PLSCR2: variants seen among roughly 807,000 people sequenced by gnomAD.
PLSCR2 encodes phospholipid scramblase 2.
A neutral mutation model predicts 25.3 loss-of-function variants in PLSCR2; 18 were observed. The observed-to-expected ratio is 0.71, with a 90% confidence interval of 0.49 to 1.06. PLSCR2 has a LOEUF of 1.06. Among genes scored for constraint, PLSCR2 ranks in the 50% least tolerant of loss-of-function variants. PLSCR2 has a pLI of 0.00. For missense variants in PLSCR2, 243 were observed against 269.5 expected, an observed-to-expected ratio of 0.90 and a Z score of 0.69; for synonymous variants, 88 against 87.3, an observed-to-expected ratio of 1.01 and a Z score of -0.04.
chr3:146,459,026 G>A (rs1257496295), intron 2 of PLSCR2, among the ~76,000 whole-genome samples: 3 of 152,084 alleles, frequency 2.0e-5, no homozygotes, highest in Non-Finnish European at 4.4e-5. Flanking sequence ...GACTATCATA[G>A]AAATATTTGT....
chr3:146,464,038 C>T (rs1364331284), upstream of PLSCR2: 4 of 907,422 alleles, frequency 4.4e-6, no homozygotes, highest in African/African-American at 1.8e-5. Flanking sequence ...GATTTAACTT[C>T]CCGGATTTTC....
chr3:146,408,177 G>A (rs1043922530), intron 2 of PLSCR2, among the ~76,000 whole-genome samples: 2 of 152,086 alleles, frequency 1.3e-5, no homozygotes, highest in South Asian at 2.1e-4. Flanking sequence ...GCTACAGCTC[G>A]CAGACAACTT....
intron 2 of PLSCR2, among the ~76,000 whole-genome samples, chr3:146,420,390 A>G (rs1458341247): frequency 6.6e-6 from 1 of 152,062 alleles, no homozygotes; most frequent in Non-Finnish European, 1.5e-5. Context: ...TAATTTTTCT[A>G]TATTTTCAAT....
At chr3:146,401,782 C>A (rs1418144240) in intron 2 of PLSCR2, among the ~76,000 whole-genome samples, 3 of 151,884 alleles carry the variant, frequency 2.0e-5, no homozygotes, top group African/African-American at 7.2e-5. Context: ...CTATGCATAA[C>A]TTTTTGGTAT....
At chr3:146,429,365 G>A (rs1473644141), downstream of PLSCR2, among the ~76,000 whole-genome samples, 8 of 152,136 alleles carry the variant, frequency 5.3e-5, no homozygotes, top group Admixed American at 3.3e-4. Context: ...AGCGAAGGTC[G>A]GGCTGACAAG....
chr3:146,454,010 C>T (rs745584477), exon 5 of PLSCR2: 8 of 1,565,358 alleles, frequency 5.1e-6, no homozygotes, highest in Non-Finnish European at 5.2e-6. Flanking sequence ...ACCTCAAAAT[C>T]AACACCCGCA....
At chr3:146,412,066 G>A (rs1214144362) in intron 2 of PLSCR2, among the ~76,000 whole-genome samples, 1 of 152,198 alleles carries the variant, frequency 6.6e-6, no homozygotes, top group Admixed American at 6.5e-5. Flanking sequence ...TTAGCTAAGG[G>A]AGAGTTAATT....
intron 2 of PLSCR2, among the ~76,000 whole-genome samples, chr3:146,421,265 T>C (rs2039140182): frequency 6.6e-6 from 1 of 152,066 alleles, no homozygotes; most frequent in African/African-American, 2.4e-5. Flanking sequence ...CTTTGTATAC[T>C]GAAGATCTAT....
chr3:146,478,420 C>G (rs1689104920), intron 1 of PLSCR2, among the ~76,000 whole-genome samples: 2 of 152,058 alleles, frequency 1.3e-5, no homozygotes, highest in African/African-American at 4.8e-5. Context: ...AGGTAAAAAC[C>G]ATGGCATGAG....
At chr3:146,399,722 T>TTC (rs918001367) in intron 2 of PLSCR2, among the ~76,000 whole-genome samples, 1 of 151,134 alleles carries the variant, frequency 6.6e-6, no homozygotes, top group African/African-American at 2.4e-5. Flanking sequence ...CTCTCTCCCT[T>TTC]TCTCTCTCTC....
At chr3:146,482,782 T>G (rs951471859) in intron 1 of PLSCR2, among the ~76,000 whole-genome samples, 4 of 152,158 alleles carry the variant, frequency 2.6e-5, no homozygotes, top group Non-Finnish European at 5.9e-5. Context: ...ACACGTATAT[T>G]TATTGCAGCA....
chr3:146,432,669 T>A (rs1433822405), downstream of PLSCR2, among the ~76,000 whole-genome samples: 1 of 152,170 alleles, frequency 6.6e-6, no homozygotes, highest in Non-Finnish European at 1.5e-5. Flanking sequence ...TTGGTTCTTT[T>A]AAATGCCTGC....
chr3:146,451,134 G>A lies in PLSCR2; in HGVS notation c.484-1767C>T, dbSNP rs1489214627. ...TTTTTTTTTTTTTTTTTTTTTTTGA[G>A]ACGAAGTCTTGCTCTTGTCCCCCAG... is the stretch of plus-strand genomic sequence containing the variant. On this transcript the variant is annotated intron_variant, in intron 5 of 6. Transcript: ENST00000610787. 1.2e-3 allele frequency among the ~76,000 whole-genome samples: 116 copies of A among 96,910 alleles called. 1 individual carries two copies. The highest frequency in any genetic ancestry group is 4.2e-3 in the African/African-American group (106 of 25,178). The allele number at this position is 96,910 out of a possible 152,430, so 63.6% of individuals were successfully genotyped here.
At chr3:146,422,680 T>C (rs764119966) in intron 2 of PLSCR2, among the ~76,000 whole-genome samples, 13 of 152,132 alleles carry the variant, frequency 8.5e-5, no homozygotes, top group South Asian at 2.1e-4. Flanking sequence ...GACAGATTCT[T>C]AGTGAGCAAG....
chr3:146,470,794 T>C (rs2042088001), intron 1 of PLSCR2, among the ~76,000 whole-genome samples: 1 of 152,184 alleles, frequency 6.6e-6, no homozygotes, highest in South Asian at 2.1e-4. Flanking sequence ...TCGAGCTACC[T>C]GAGTTTGAAT....
At chr3:146,460,251 G>T (rs1321224248) in exon 1 of PLSCR2, 8 of 1,361,400 alleles carry the variant, frequency 5.9e-6, no homozygotes, top group South Asian at 3.7e-5. Context: ...AATATCTGTG[G>T]TTTCACATTC....
At chr3:146,416,959 C>G (rs2039020245) in intron 2 of PLSCR2, among the ~76,000 whole-genome samples, 1 of 152,096 alleles carries the variant, frequency 6.6e-6, no homozygotes, top group Admixed American at 6.6e-5. Flanking sequence ...CTGGATTTTA[C>G]CTACACCAAT....
chr3:146,465,694 T>TA (rs1216699336), intron 1 of PLSCR2, among the ~76,000 whole-genome samples: 5 of 152,136 alleles, frequency 3.3e-5, no homozygotes, highest in African/African-American at 1.2e-4. Context: ...ACAAGAATTC[T>TA]AGGTGCCTAA....
chr3:146,472,214 G>A (rs1174443822), intron 1 of PLSCR2, among the ~76,000 whole-genome samples: 3 of 152,102 alleles, frequency 2.0e-5, no homozygotes, highest in Admixed American at 6.5e-5. Context: ...TATTTTGTAC[G>A]AGAAATAGGT....
Sources: allele counts gnomAD v4.1 joint callset (sites outside exome capture counted in the v4.1 genomes callset), GRCh38; gene constraint gnomAD v4.1.1; transcripts MANE v1.5; gene names NCBI Gene and HGNC (gene_info 2026-07-23, HGNC 2026-07-21).